The following TCF12 variants were observed in gnomAD, a reference collection of about 807,000 sequenced individuals.
The protein encoded by TCF12 is DNA-binding protein HTF4.
A neutral mutation model predicts 86.0 loss-of-function variants in TCF12; 45 were observed. That is an observed-to-expected ratio of 0.52 (90% CI 0.41 to 0.67). TCF12 has a LOEUF of 0.67. TCF12 is among the 30% of genes least tolerant of loss of function. The probability of loss-of-function intolerance (pLI) is 0.00; values close to 1 mark genes in which losing one functional copy is unlikely to be tolerated. For synonymous variants in TCF12, 330 were observed against 299.6 expected (o/e 1.10, Z -1.05); for missense variants, 881 against 859.9 (o/e 1.02, Z -0.31).
chr15:57,104,861 GTTTTTT>G (rs11336613), intron 5 of TCF12, among the ~76,000 whole-genome samples: 2 of 71,480 alleles, frequency 2.8e-5, no homozygotes, highest in East Asian at 5.0e-4. Context: ...CTTTGGTGGT[GTTTTTT>G]TTTTTTTTTT....
At chr15:56,967,054 A>G (rs770419712) in intron 3 of TCF12, among the ~76,000 whole-genome samples, 2 of 152,144 alleles carry the variant, frequency 1.3e-5, no homozygotes, top group Non-Finnish European at 2.9e-5. Context: ...CCTGGGAGGC[A>G]GTGGTTTCAG....
At chr15:57,180,913 C>A (rs960103650) in intron 6 of TCF12, among the ~76,000 whole-genome samples, 16 of 147,022 alleles carry the variant, frequency 1.1e-4, no homozygotes, top group Non-Finnish European at 1.5e-4. Flanking sequence ...CTCCCAGGTT[C>A]CCGCCATTCT....
At chr15:56,977,901 C>G (rs144217015) in intron 3 of TCF12, among the ~76,000 whole-genome samples, 1 of 152,066 alleles carries the variant, frequency 6.6e-6, no homozygotes, top group South Asian at 2.1e-4. Flanking sequence ...AACTTACTGG[C>G]TTGGAGATAG....
At chr15:57,239,780 G>T (rs1375954618) in intron 12 of TCF12, among the ~76,000 whole-genome samples, 1 of 152,072 alleles carries the variant, frequency 6.6e-6, no homozygotes, top group Non-Finnish European at 1.5e-5. Flanking sequence ...CATAAGCATG[G>T]TGCTACTAAC....
chr15:57,276,639 G>C (rs1195683732), intron 19 of TCF12, among the ~76,000 whole-genome samples: 2 of 152,024 alleles, frequency 1.3e-5, no homozygotes, highest in Admixed American at 1.3e-4. Context: ...ATATTCTAAA[G>C]CTTCTGGAGA....
At chr15:57,218,686 T>TATA (rs1250114165) in intron 8 of TCF12, among the ~76,000 whole-genome samples, 1 of 152,186 alleles carries the variant, frequency 6.6e-6, no homozygotes, top group Non-Finnish European at 1.5e-5. Flanking sequence ...TGCAGGACAT[T>TATA]ATAAACTTTT....
At chr15:56,994,262 A>C (rs2063591169) in intron 3 of TCF12, among the ~76,000 whole-genome samples, 1 of 152,188 alleles carries the variant, frequency 6.6e-6, no homozygotes, top group Non-Finnish European at 1.5e-5. Flanking sequence ...ACAAAGTGTT[A>C]GACATTTAAA....
chr15:57,102,586 C>T (rs1188744407), intron 5 of TCF12, among the ~76,000 whole-genome samples: 4 of 147,802 alleles, frequency 2.7e-5, no homozygotes, highest in African/African-American at 1.0e-4. Flanking sequence ...TAACAGAGCA[C>T]GACTCTGTCT....
intron 8 of TCF12, among the ~76,000 whole-genome samples, chr15:57,224,935 A>T (rs1266464275): frequency 1.3e-5 from 2 of 152,156 alleles, no homozygotes; most frequent in African/African-American, 4.8e-5. Context: ...AATTACCATT[A>T]AAAACTCTAG....
At chr15:57,090,090 A>G (rs1412455847) in intron 4 of TCF12, among the ~76,000 whole-genome samples, 2 of 151,938 alleles carry the variant, frequency 1.3e-5, no homozygotes, top group African/African-American at 2.4e-5. Context: ...GTGGTGCACT[A>G]CTGTAGTTCC....
intron 8 of TCF12, among the ~76,000 whole-genome samples, chr15:57,198,158 C>G (rs1046011076): frequency 6.6e-6 from 1 of 152,126 alleles, no homozygotes; most frequent in Non-Finnish European, 1.5e-5. Flanking sequence ...TGTTGCTGAA[C>G]AGGAGGACAG....
At chr15:57,233,528 A>G (rs1176351461) in intron 11 of TCF12, among the ~76,000 whole-genome samples, 1 of 150,888 alleles carries the variant, frequency 6.6e-6, no homozygotes, top group Non-Finnish European at 1.5e-5. Flanking sequence ...ACAGGGTCTC[A>G]CTCTCTCAGC....
At position 56,941,849 on chromosome 15, in the gene TCF12, G is replaced by T. The variant is rs111444880; in HGVS notation, c.148+20751G>T. 1.6e-4 allele frequency among the ~76,000 whole-genome samples: 25 copies of T among 152,050 alleles called. 1 individual carries two copies. The highest frequency in any genetic ancestry group is 6.3e-3 in the Middle Eastern group (2 of 316). On this transcript the variant is annotated intron_variant, in intron 3 of 20. Transcript: ENST00000333725. ...GTCTGGAGGTATGATCTCTGATAAA[G>T]ATTATAATTCTCATCTCAGTAATCT...
chr15:57,019,369 A>C (rs1442622628), intron 3 of TCF12, among the ~76,000 whole-genome samples: 1 of 152,178 alleles, frequency 6.6e-6, no homozygotes, highest in African/African-American at 2.4e-5. Flanking sequence ...TGCACAGATA[A>C]ACCCAATTCA....
intron 19 of TCF12, among the ~76,000 whole-genome samples, chr15:57,280,669 A>G (rs1201306669): frequency 6.6e-6 from 1 of 152,160 alleles, no homozygotes; most frequent in Non-Finnish European, 1.5e-5. Context: ...CAGGAGTTCA[A>G]GGCAAGTCTG....
chr15:57,272,411 T>C (rs1451562753), intron 18 of TCF12, among the ~76,000 whole-genome samples: 2 of 152,228 alleles, frequency 1.3e-5, no homozygotes, highest in African/African-American at 4.8e-5. Flanking sequence ...TGATAATTTA[T>C]CTCTAGAACA....
intron 8 of TCF12, among the ~76,000 whole-genome samples, chr15:57,200,982 T>A (rs1300968408): frequency 6.6e-6 from 1 of 152,184 alleles, no homozygotes; most frequent in African/African-American, 2.4e-5. Context: ...AATTCGAAGT[T>A]CCTTTCAGGT....
At chr15:57,233,906 A>T (rs190546297) in intron 11 of TCF12, 137 bp from the exon 12 acceptor site, 2 of 672,840 alleles carry the variant, frequency 3.0e-6, no homozygotes, top group African/African-American at 3.6e-5. Context: ...AATAAGTACA[A>T]CACATGTAGA....
intron 18 of TCF12, among the ~76,000 whole-genome samples, chr15:57,269,095 C>T (rs1029488027): frequency 6.6e-6 from 1 of 152,040 alleles, no homozygotes; most frequent in African/African-American, 2.4e-5. Flanking sequence ...TTTTCTGTCT[C>T]GTTGATCTGT....
Sources: gnomAD v4.1 joint callset for allele counts (sites outside exome capture counted in the v4.1 genomes callset) on GRCh38, gnomAD v4.1.1 for gene constraint, MANE v1.5 for transcripts, NCBI Gene and HGNC (gene_info 2026-07-23, HGNC 2026-07-21) for gene names.